The following PCDH17 variants were observed in gnomAD, a reference collection of about 807,000 sequenced individuals.
PCDH17 encodes protocadherin-17.
A neutral mutation model predicts 67.7 loss-of-function variants in PCDH17; 21 were observed. That is an observed-to-expected ratio of 0.31 (90% CI 0.22 to 0.45). PCDH17 has a LOEUF of 0.45. Among genes scored for constraint, PCDH17 ranks in the 20% least tolerant of loss-of-function variants. PCDH17 has a pLI of 1.00. For missense variants in PCDH17, 1,471 were observed against 1,564.8 expected, an observed-to-expected ratio of 0.94 and a Z score of 1.01; for synonymous variants, 701 against 656.7, an observed-to-expected ratio of 1.07 and a Z score of -1.03.
In PCDH17 at chr13:57,634,148, C is replaced by G; in HGVS notation, c.1602C>G (p.Ile534Met). ...YVSVNPTNGAIYALRSFNFEQ... is the reference protein window; with the variant it reads ...YVSVNPTNGAMYALRSFNFEQ... ...CTGTGAATCCCACGAACGGGGCCAT[C>G]TACGCCCTGCGCTCCTTTAACTTCG... The change falls in exon 1 of 4, where the codon ATC becomes ATG. Residue 534 changes from isoleucine to methionine, a missense_variant. Around this residue, in one of 3 missense-constraint regions of PCDH17, gnomAD observed 1,163 missense variants for 1,230.0 expected, o/e 0.95. Transcript: ENST00000377918. This position sits in a 1 kb window ranked among gnomAD's most constrained non-coding sequence, Gnocchi z 7.8. The G allele has an allele frequency of 6.2e-7, 1 of 1,613,696 alleles. No homozygotes were observed. Among genetic ancestry groups the G allele is most frequent in the Non-Finnish European group, 8.5e-7 (1 of 1,180,050 alleles).
intron 3 of PCDH17, among the ~76,000 whole-genome samples, chr13:57,720,320 A>G (rs1001812890): frequency 6.6e-6 from 1 of 152,004 alleles, no homozygotes; most frequent in Non-Finnish European, 1.5e-5. Flanking sequence ...AGAGACAGTT[A>G]AAGTGTTGAT....
chr13:57,646,171 T>A (rs745857177), intron 1 of PCDH17, among the ~76,000 whole-genome samples: 15 of 151,630 alleles, frequency 9.9e-5, no homozygotes, highest in Non-Finnish European at 1.6e-4. Flanking sequence ...ATAAGCCAAC[T>A]TACAACATTT....
intron 3 of PCDH17, among the ~76,000 whole-genome samples, chr13:57,685,758 G>A (rs1955499461): frequency 6.6e-6 from 1 of 151,796 alleles, no homozygotes; most frequent in Non-Finnish European, 1.5e-5. Flanking sequence ...ACACAAAAAG[G>A]ACATACGGTA....
chr13:57,667,525 CTT>C (rs1955268847), intron 3 of PCDH17, among the ~76,000 whole-genome samples: 1 of 151,824 alleles, frequency 6.6e-6, no homozygotes, highest in Non-Finnish European at 1.5e-5. Context: ...TTAAATTACT[CTT>C]ATGTATAAGA....
intron 1 of PCDH17, among the ~76,000 whole-genome samples, chr13:57,637,216 T>G (rs913513292): frequency 1.3e-5 from 2 of 152,132 alleles, no homozygotes; most frequent in Non-Finnish European, 2.9e-5. Flanking sequence ...TGTTTTTGTT[T>G]TAAGTCCTTG....
At chr13:57,648,803 T>G (rs1213456716) in intron 1 of PCDH17, among the ~76,000 whole-genome samples, 2 of 152,054 alleles carry the variant, frequency 1.3e-5, no homozygotes, top group Non-Finnish European at 2.9e-5. Flanking sequence ...AAAAAATTAA[T>G]GAAACTATTT....
upstream of PCDH17, among the ~76,000 whole-genome samples, chr13:57,630,132 G>C (rs1231380878): frequency 2.6e-5 from 4 of 152,222 alleles, no homozygotes; most frequent in Non-Finnish European, 5.9e-5. Context: ...GCTGGGGAGA[G>C]AGCAGGGATC....
chr13:57,678,728 G>A (rs796639538), intron 3 of PCDH17, among the ~76,000 whole-genome samples: 20 of 151,602 alleles, frequency 1.3e-4, no homozygotes, highest in African/African-American at 4.8e-4. Context: ...AACACGTGTG[G>A]CCATTATTTC....
At chr13:57,641,569 AAAAAAAAAAAAAAAAAAAAT>A (rs1566217485) in intron 1 of PCDH17, among the ~76,000 whole-genome samples, 2 of 22,092 alleles carry the variant, frequency 9.1e-5, no homozygotes, top group Non-Finnish European at 1.6e-4. Flanking sequence ...AAAAAAAAAA[AAAAAAAAAAAAAAAAAAAAT>A]ATATATATAT....
chr13:57,683,180 A>G (rs1247343446), intron 3 of PCDH17, among the ~76,000 whole-genome samples: 3 of 151,996 alleles, frequency 2.0e-5, no homozygotes, highest in Admixed American at 2.0e-4. Flanking sequence ...GGTGGTATTT[A>G]AGAGGGAGTC....
intron 1 of PCDH17, among the ~76,000 whole-genome samples, chr13:57,636,369 T>C (rs1266229971): frequency 6.6e-6 from 1 of 152,182 alleles, no homozygotes; most frequent in Non-Finnish European, 1.5e-5. Flanking sequence ...TAACTTTTGA[T>C]GACACTGGAC....
intron 1 of PCDH17, among the ~76,000 whole-genome samples, chr13:57,654,548 G>A (rs1027720096): frequency 6.6e-6 from 1 of 152,002 alleles, no homozygotes; most frequent in Admixed American, 6.6e-5. Context: ...TCGTCATTAA[G>A]TAAGATTGCT....
intron 1 of PCDH17, among the ~76,000 whole-genome samples, chr13:57,647,443 A>G (rs1954978468): frequency 6.6e-6 from 1 of 151,762 alleles, no homozygotes; most frequent in Admixed American, 6.6e-5. Context: ...TTGTATATTT[A>G]CATCTAGTGT....
At chr13:57,710,376 C>G (rs1004554966) in intron 3 of PCDH17, among the ~76,000 whole-genome samples, 1 of 151,774 alleles carries the variant, frequency 6.6e-6, no homozygotes, top group Non-Finnish European at 1.5e-5. Context: ...TTCCTAAAGG[C>G]AAGGCAGAAC....
At chr13:57,692,571 A>G (rs1361216221) in intron 3 of PCDH17, among the ~76,000 whole-genome samples, 1 of 151,288 alleles carries the variant, frequency 6.6e-6, no homozygotes, top group East Asian at 1.9e-4. Flanking sequence ...TGCTATATGT[A>G]TTTCATATCC....
In PCDH17 at chr13:57,634,804, G is replaced by T; in HGVS notation, c.2258G>T (p.Gly753Val). The change falls in exon 1 of 4, where the codon GGT becomes GTT. Residue 753 changes from glycine to valine, a missense_variant. Physicochemically the swap from Gly to Val is moderately radical, Grantham distance 109 (BLOSUM62 -3). This residue lies in a region of PCDH17 where 1,163 missense variants were observed against 1,230.0 expected (regional missense o/e 0.95). Coordinates refer to ENST00000377918, the MANE Select transcript of PCDH17 (RefSeq NM_001040429.3). This position sits in a 1 kb window ranked among gnomAD's most constrained non-coding sequence, Gnocchi z 7.8. ...RIAEYSHPQL[G>V]GGKGKKKKIN... ...GCCGAGTACAGCCACCCGCAGCTGG[G>T]TGGGGGCAAGGGCAAGAAGAAGAAG... is the stretch of plus-strand genomic sequence containing the variant. 1 of 1,614,058 alleles carries T rather than the reference G, an allele frequency of 6.2e-7. No homozygotes were observed. Among genetic ancestry groups the T allele is most frequent in the South Asian group, 1.1e-5 (1 of 91,070 alleles).
intron 3 of PCDH17, among the ~76,000 whole-genome samples, chr13:57,692,233 G>C (rs958736897): frequency 6.6e-6 from 1 of 151,150 alleles, no homozygotes; most frequent in Non-Finnish European, 1.5e-5. Flanking sequence ...ATAAATGAGA[G>C]AGTCTCAATT....
chr13:57,647,596 T>G (rs914461753), intron 1 of PCDH17, among the ~76,000 whole-genome samples: 15 of 151,814 alleles, frequency 9.9e-5, no homozygotes, highest in African/African-American at 3.6e-4. Context: ...GTGGATTGGA[T>G]TGAGCAGTAT....
At chr13:57,697,299 T>C (rs1328819199) in intron 3 of PCDH17, among the ~76,000 whole-genome samples, 5 of 151,742 alleles carry the variant, frequency 3.3e-5, no homozygotes, top group African/African-American at 1.2e-4. Flanking sequence ...AACAGTGATT[T>C]AGCAAATTTT....
Sources: gnomAD v4.1 joint callset for allele counts (sites outside exome capture counted in the v4.1 genomes callset) on GRCh38, gnomAD v4.1.1 for gene constraint, gnomAD v4.1.1 regional missense constraint, Gnocchi (gnomAD v3.1) non-coding constraint, MANE v1.5 for transcripts, NCBI Gene and HGNC (gene_info 2026-07-23, HGNC 2026-07-21) for gene names.